The following ACSBG2 variants were observed in gnomAD, a reference collection of about 807,000 sequenced individuals.
ACSBG2 encodes long-chain-fatty-acid--CoA ligase ACSBG2.
In ACSBG2, 62 loss-of-function variants were observed where a neutral mutation model predicts 74.7. The observed-to-expected ratio is 0.83, with a 90% CI of 0.68 to 1.03. ACSBG2 has a LOEUF of 1.03. Ranked by LOEUF, ACSBG2 falls within the 50% of genes least tolerant of loss-of-function variation. ACSBG2 has a pLI of 0.00. For missense variants in ACSBG2, 730 were observed against 817.6 expected (o/e 0.89, Z 1.31); for synonymous variants, 309 against 294.1 (o/e 1.05, Z -0.52).
intron 3 of ACSBG2, among the ~76,000 whole-genome samples, chr19:6,148,959 T>C (rs1239946578): frequency 6.6e-6 from 1 of 151,764 alleles, no homozygotes; most frequent in Non-Finnish European, 1.5e-5. Context: ...ATACAAAAAT[T>C]AGCCAGGTGT....
intron 14 of ACSBG2, chr19:6,192,040 T>C (rs1419138053): frequency 2.7e-5 from 1 of 37,200 alleles, no homozygotes; most frequent in African/African-American, 1.1e-4. Flanking sequence ...CTGTAATACA[T>C]AAAACACACT....
At chr19:6,172,470 C>T (rs144726006) in intron 7 of ACSBG2, among the ~76,000 whole-genome samples, 226 of 151,986 alleles carry the variant, frequency 1.5e-3, no homozygotes, top group African/African-American at 5.2e-3. Context: ...ATGGGTTCCA[C>T]GGTTGTGGAC....
chr19:6,162,036 A>G (rs114962168), intron 6 of ACSBG2, among the ~76,000 whole-genome samples: 3,522 of 152,206 alleles, frequency 0.023, 120 homozygotes, highest in African/African-American at 0.076. Context: ...AAGACAACCA[A>G]TTAGAATTGC....
intron 6 of ACSBG2, among the ~76,000 whole-genome samples, chr19:6,163,920 G>A (rs1439502164): frequency 6.6e-6 from 1 of 152,072 alleles, no homozygotes; most frequent in Non-Finnish European, 1.5e-5. Context: ...TCCAGCCTGG[G>A]TGACAGAGCA....
chr19:6,157,280 G>A (rs1043056135), intron 5 of ACSBG2, among the ~76,000 whole-genome samples: 19 of 152,194 alleles, frequency 1.2e-4, no homozygotes, highest in Non-Finnish European at 1.5e-4. Flanking sequence ...TTTGGGCCAG[G>A]TGTGGTGGTT....
At chr19:6,161,704 T>G in intron 6 of ACSBG2, 1 of 167,114 alleles carries the variant, frequency 6.0e-6, no homozygotes. Flanking sequence ...GGATGTGGCC[T>G]TTGCAAAGGG....
intron 1 of ACSBG2, among the ~76,000 whole-genome samples, chr19:6,141,156 GT>G (rs1398601153): frequency 2.6e-5 from 4 of 152,132 alleles, no homozygotes; most frequent in Non-Finnish European, 4.4e-5. Flanking sequence ...GGCCCTTTGA[GT>G]TTTCATGTTA....
chr19:6,162,929 G>A (rs897040384), intron 6 of ACSBG2, among the ~76,000 whole-genome samples: 2 of 151,808 alleles, frequency 1.3e-5, no homozygotes, highest in African/African-American at 4.8e-5. Context: ...CTAATTTATA[G>A]GGGAGAGTCA....
intron 7 of ACSBG2, among the ~76,000 whole-genome samples, chr19:6,173,723 A>C (rs1415792134): frequency 6.6e-6 from 1 of 152,154 alleles, no homozygotes; most frequent in Non-Finnish European, 1.5e-5. Context: ...GAAAACTGAC[A>C]TCTGATGTCC....
chr19:6,137,898 C>A (rs1366062997), intron 1 of ACSBG2, among the ~76,000 whole-genome samples: 2 of 152,198 alleles, frequency 1.3e-5, no homozygotes, highest in East Asian at 3.8e-4. Flanking sequence ...AGGTGATCCA[C>A]CCGCCTCGGC....
intron 3 of ACSBG2, among the ~76,000 whole-genome samples, chr19:6,148,733 C>A (rs2089132483): frequency 1.3e-5 from 2 of 151,934 alleles, no homozygotes; most frequent in Non-Finnish European, 2.9e-5. Flanking sequence ...GTGGCTAGTT[C>A]ATCTCTCCTG....
At chr19:6,136,601 G>A (rs1000325682) in intron 1 of ACSBG2, among the ~76,000 whole-genome samples, 1 of 152,170 alleles carries the variant, frequency 6.6e-6, no homozygotes, top group African/African-American at 2.4e-5. Flanking sequence ...GGCCTCAAGC[G>A]ATCCACCCGA....
chr19:6,138,030 C>T (rs2088650191), intron 1 of ACSBG2, among the ~76,000 whole-genome samples: 1 of 152,152 alleles, frequency 6.6e-6, no homozygotes, highest in Non-Finnish European at 1.5e-5. Flanking sequence ...CATAAGCCCC[C>T]AGCTACCTAT....
intron 2 of ACSBG2, among the ~76,000 whole-genome samples, chr19:6,146,076 G>A (rs751311443): frequency 3.9e-5 from 6 of 152,148 alleles, no homozygotes; most frequent in Non-Finnish European, 8.8e-5. Context: ...AAAAATCTCC[G>A]TAAATAATAT....
chr19:6,186,102 G>T (rs1365841539), intron 11 of ACSBG2, among the ~76,000 whole-genome samples: 2 of 150,238 alleles, frequency 1.3e-5, no homozygotes, highest in African/African-American at 4.9e-5. Flanking sequence ...TGGTTCAAAT[G>T]GGCTTGAGTA....
intron 2 of ACSBG2, among the ~76,000 whole-genome samples, chr19:6,142,612 G>C (rs536415047): frequency 1.3e-5 from 2 of 151,968 alleles, no homozygotes; most frequent in Non-Finnish European, 2.9e-5. Flanking sequence ...AATTAGCCAG[G>C]TGTGGTGGCG....
At position 6,151,812 on chromosome 19, in the gene ACSBG2, G is replaced by T; in HGVS notation, c.386+17G>T. The T allele has an allele frequency of 6.3e-7, 1 of 1,576,464 alleles. No homozygotes were observed. Among genetic ancestry groups the T allele is most frequent in the South Asian group, 1.2e-5 (1 of 86,224 alleles). On this transcript the variant is annotated intron_variant, in intron 4 of 14. Coordinates refer to ENST00000588485, the MANE Select transcript of ACSBG2 (RefSeq NM_030924.5). ...CCTAGCCGGGTAAGGTCATTGGCTT[G>T]GTTCATGGTGAGGGTTAAGGAGCCG...
At chr19:6,169,457 T>G (rs2089904311) in intron 7 of ACSBG2, among the ~76,000 whole-genome samples, 1 of 152,368 alleles carries the variant, frequency 6.6e-6, no homozygotes, top group South Asian at 2.1e-4. Context: ...GTGCCTATTT[T>G]TGTACCAGTA....
At chr19:6,136,331 A>G (rs1219399729) in intron 1 of ACSBG2, among the ~76,000 whole-genome samples, 2 of 151,938 alleles carry the variant, frequency 1.3e-5, no homozygotes, top group African/African-American at 2.4e-5. Context: ...TGACCTCGTG[A>G]TCCACCCGCC....
Sources: gnomAD v4.1 joint callset for allele counts (sites outside exome capture counted in the v4.1 genomes callset) on GRCh38, gnomAD v4.1.1 for gene constraint, MANE v1.5 for transcripts, NCBI Gene and HGNC (gene_info 2026-07-23, HGNC 2026-07-21) for gene names.